The following CHST12 variants were observed in gnomAD, a reference collection of about 807,000 sequenced individuals.
CHST12 encodes carbohydrate (chondroitin 4) sulfotransferase 12.
A neutral mutation model predicts 27.9 loss-of-function variants in CHST12; 23 were observed. The ratio of observed to expected loss-of-function variants is 0.82; its 90% CI spans 0.59 to 1.17. CHST12 has a LOEUF of 1.17. Ranked by LOEUF, CHST12 falls within the 50% of genes most tolerant of loss-of-function variation. The pLI, the probability that CHST12 is intolerant of heterozygous loss-of-function variation, is 0.00. For missense variants in CHST12, 682 were observed against 603.0 expected, an observed-to-expected ratio of 1.13 and a Z score of -1.37; for synonymous variants, 322 against 273.0, an observed-to-expected ratio of 1.18 and a Z score of -1.77.
intron 1 of CHST12, among the ~76,000 whole-genome samples, chr7:2,419,357 C>A (rs1309827711): frequency 7.2e-6 from 1 of 139,656 alleles, no homozygotes; most frequent in Non-Finnish European, 1.5e-5. Context: ...GCCAAGATCA[C>A]GCCACTGCAC....
At chr7:2,429,636 C>T (rs890500774) in intron 1 of CHST12, among the ~76,000 whole-genome samples, 1 of 152,146 alleles carries the variant, frequency 6.6e-6, no homozygotes, top group African/African-American at 2.4e-5. Context: ...TCTGTTTCAT[C>T]TAGGTTGCTA....
At chr7:2,407,946 A>AT (rs1781564798) in intron 1 of CHST12, among the ~76,000 whole-genome samples, 1 of 152,068 alleles carries the variant, frequency 6.6e-6, no homozygotes, top group Non-Finnish European at 1.5e-5. Flanking sequence ...AATTTAAAAA[A>AT]TTAAAAGTCT....
Position 2,433,154 on chromosome 7 carries a change from A to G in CHST12, c.515A>G (p.Lys172Arg). The G allele has an allele frequency of 1.2e-6, 2 of 1,612,944 alleles. No individual in the cohort carries two copies. Among genetic ancestry groups the G allele is most frequent in the East Asian group, 2.2e-5 (1 of 44,838 alleles). The change falls in exon 2 of 2, where the codon AAG (lysine) becomes AGG (arginine). Residue 172 changes from lysine (K) to arginine (R), a missense_variant. By Grantham distance (26) the Lys-to-Arg change is conservative. Coordinates refer to ENST00000618655, the MANE Select transcript of CHST12 (RefSeq NM_018641.5). The surrounding 1 kb of genome is among the most constrained non-coding windows in gnomAD (Gnocchi z 6.1). ...RHGAIYCYVP[K>R]VACTNWKRVM... is the part of the protein sequence containing the mutation. ...GGGGCCATCTACTGCTACGTGCCCAAGGTGGCCTGCACCAACTGGAAGCGC... is the reference window on the plus strand; with the variant it reads ...GGGGCCATCTACTGCTACGTGCCCAGGGTGGCCTGCACCAACTGGAAGCGC...
intron 1 of CHST12, among the ~76,000 whole-genome samples, chr7:2,408,966 A>C (rs114943254): frequency 6.6e-6 from 1 of 152,332 alleles, no homozygotes; most frequent in African/African-American, 2.4e-5. Context: ...GCATCTGGAG[A>C]GGAGTTGATA....
intron 1 of CHST12, among the ~76,000 whole-genome samples, chr7:2,419,724 A>T (rs1781914652): frequency 6.6e-6 from 1 of 151,548 alleles, no homozygotes; most frequent in Non-Finnish European, 1.5e-5. Context: ...AAAAAAAAAA[A>T]ATTACCATTG....
At chr7:2,411,190 C>T (rs888973621) in intron 1 of CHST12, among the ~76,000 whole-genome samples, 4 of 152,050 alleles carry the variant, frequency 2.6e-5, no homozygotes, top group Admixed American at 2.6e-4. Flanking sequence ...TTAAGAGATC[C>T]TCCCACCTCA....
chr7:2,406,647 G>A (rs1781534596), intron 1 of CHST12, among the ~76,000 whole-genome samples: 1 of 152,090 alleles, frequency 6.6e-6, no homozygotes, highest in South Asian at 2.1e-4. Flanking sequence ...GTGTCTTTGG[G>A]GAATCTGAGT....
intron 1 of CHST12, among the ~76,000 whole-genome samples, chr7:2,405,070 G>A (rs1781488073): frequency 6.6e-6 from 1 of 152,194 alleles, no homozygotes; most frequent in South Asian, 2.1e-4. Flanking sequence ...ATGCAGAGAT[G>A]TGGAAGTGAA....
chr7:2,432,630 C>T lies in CHST12; in HGVS notation c.-10C>T, dbSNP rs1308598378. 2 of 1,600,652 alleles carry T rather than the reference C, an allele frequency of 1.2e-6. No individual in the cohort carries two copies. The highest frequency in any genetic ancestry group is 1.7e-6 in the Non-Finnish European group (2 of 1,170,370). On this transcript the variant is annotated 5_prime_UTR_variant, in exon 2 of 2. Transcript: ENST00000618655. ...GAGGCCCGGAGAGGGCCCAGCCCGC[C>T]CGGGGCAGGATGACCAAGGCCCGGC...
rs1054634624 is a variant in CHST12, at chr7:2,443,100, A to G, written c.*9216A>G. The stretch of plus-strand genomic sequence containing the variant: ...CCATGGCCAGCTAATTTTTTTGTTT[A>G]TTTGTTTATTTATTATTTTTTGAGG... On this transcript the variant is annotated 3_prime_UTR_variant, in exon 2 of 2. Transcript: ENST00000618655. The G allele has an allele frequency of 6.6e-6, 1 of 150,782 alleles. No homozygotes were observed. Among genetic ancestry groups the G allele is most frequent in the Non-Finnish European group, 1.5e-5 (1 of 67,674 alleles). The allele number at this position is 150,782 out of a possible 1,614,324, so 9.3% of individuals were successfully genotyped here. A position where few individuals can be genotyped will look rare whatever the true frequency, so the allele number is the denominator to read the frequency against.
intron 1 of CHST12, among the ~76,000 whole-genome samples, chr7:2,430,885 G>A (rs1423538068): frequency 2.0e-5 from 3 of 152,254 alleles, no homozygotes; most frequent in Non-Finnish European, 4.4e-5. Context: ...ACCGTGCCCT[G>A]TCAAGATTTC....
At chr7:2,411,371 T>C (rs1246145368) in intron 1 of CHST12, among the ~76,000 whole-genome samples, 1 of 152,138 alleles carries the variant, frequency 6.6e-6, no homozygotes, top group African/African-American at 2.4e-5. Flanking sequence ...CATCAGCCAC[T>C]GCACCTGGCT....
Position 2,442,670 on chromosome 7 carries a change from T to C in CHST12, c.*8786T>C, listed in dbSNP as rs1283517634. 6.6e-6 allele frequency: 1 copy of C among 152,334 alleles called. No homozygotes were observed. The highest frequency in any genetic ancestry group is 1.5e-5 in the Non-Finnish European group (1 of 68,168). 9.4% of individuals were successfully genotyped at this position (152,334 alleles called of 1,614,324 possible). Reference sequence around the variant, plus strand: ...GAGACACCACGCCCCGCCGAGTCCCTGCTTTTAATTCTTTGGGGCAGGGAT... The same window carrying C: ...GAGACACCACGCCCCGCCGAGTCCCCGCTTTTAATTCTTTGGGGCAGGGAT... On this transcript the variant is annotated 3_prime_UTR_variant, in exon 2 of 2. Coordinates refer to ENST00000618655, the MANE Select transcript of CHST12 (RefSeq NM_018641.5).
intron 1 of CHST12, among the ~76,000 whole-genome samples, chr7:2,431,500 A>T (rs752398318): frequency 1.5e-4 from 23 of 152,146 alleles, no homozygotes; most frequent in Non-Finnish European, 2.6e-4. Flanking sequence ...AGGGAGTCAG[A>T]GTGTGGACTC....
At chr7:2,430,816 G>A (rs1489570175) in intron 1 of CHST12, among the ~76,000 whole-genome samples, 1 of 152,224 alleles carries the variant, frequency 6.6e-6, no homozygotes, top group East Asian at 1.9e-4. Flanking sequence ...TCCAACTCCT[G>A]ATCTCAAATG....
At chr7:2,430,793 G>A (rs1413716409) in intron 1 of CHST12, among the ~76,000 whole-genome samples, 1 of 152,186 alleles carries the variant, frequency 6.6e-6, no homozygotes, top group Non-Finnish European at 1.5e-5. Context: ...TCACCATGTT[G>A]GCCAGGCTGG....
Position 2,442,789 on chromosome 7 carries a change from C to A in CHST12, c.*8905C>A, listed in dbSNP as rs1242819251. On this transcript the variant is annotated 3_prime_UTR_variant, in exon 2 of 2. Transcript: ENST00000618655. The stretch of plus-strand genomic sequence containing the variant: ...GTGAGCGGCAGGTGAGCGTGCATTC[C>A]CGCCGGAGCCCCGCCTCCCGTCAGA... The A allele has an allele frequency of 6.5e-6, 1 of 153,176 alleles. No homozygotes were observed. Among genetic ancestry groups the A allele is most frequent in the Non-Finnish European group, 1.5e-5 (1 of 68,832 alleles). The allele number at this position is 153,176 out of a possible 1,614,324, so 9.5% of individuals were successfully genotyped here.
rs1188803625 is a variant in CHST12, at chr7:2,434,100, C to T, written c.*216C>T. 3 of 405,976 alleles carry T rather than the reference C, an allele frequency of 7.4e-6. No homozygotes were observed. Among genetic ancestry groups the T allele is most frequent in the South Asian group, 5.6e-5 (1 of 17,958 alleles). 25.1% of individuals were successfully genotyped at this position (405,976 alleles called of 1,614,324 possible). On this transcript the variant is annotated 3_prime_UTR_variant, in exon 2 of 2. Transcript: ENST00000618655. ...GCTGGAGTAAAATATCCCCTCTCCC[C>T]TCCGCCCGCCCACCCGCCCGCCCGC...
intron 1 of CHST12, among the ~76,000 whole-genome samples, chr7:2,420,135 G>A (rs1256155486): frequency 2.0e-5 from 3 of 151,680 alleles, no homozygotes; most frequent in African/African-American, 7.3e-5. Context: ...CAGCATGCCC[G>A]GCTAATTTTT....
Sources: allele counts gnomAD v4.1 joint callset (sites outside exome capture counted in the v4.1 genomes callset), GRCh38; gene constraint gnomAD v4.1.1; non-coding constraint Gnocchi (gnomAD v3.1); transcripts MANE v1.5; gene names NCBI Gene and HGNC (gene_info 2026-07-23, HGNC 2026-07-21).